The following GBE1 variants were observed in gnomAD, a reference collection of about 807,000 sequenced individuals.
GBE1 encodes the protein 1,4-alpha-glucan branching enzyme 1.
In GBE1, 70 loss-of-function variants were observed where a neutral mutation model predicts 88.8. The observed-to-expected ratio is 0.79, with a 90% CI of 0.65 to 0.96. The LOEUF (loss-of-function observed/expected upper bound fraction) is 0.96, where lower values mean the gene tolerates loss of function less well. GBE1 is among the 40% of genes least tolerant of loss of function. The pLI, the probability that GBE1 is intolerant of heterozygous loss-of-function variation, is 0.00. For synonymous variants in GBE1, 284 were observed against 300.1 expected, an observed-to-expected ratio of 0.95 and a Z score of 0.56; for missense variants, 872 against 871.0, an observed-to-expected ratio of 1.00 and a Z score of -0.01.
At chr3:81,724,314 A>T (rs990239079) in intron 1 of GBE1, among the ~76,000 whole-genome samples, 1 of 152,176 alleles carries the variant, frequency 6.6e-6, no homozygotes, top group African/African-American at 2.4e-5. Context: ...ATTTACAAGC[A>T]TTTTCTTATT....
chr3:81,761,307 G>T (rs1368293208), intron 1 of GBE1, 68 bp downstream of exon 1: 16 of 1,533,200 alleles, frequency 1.0e-5, no homozygotes, highest in Middle Eastern at 2.1e-4. Context: ...GGGGCGGCCC[G>T]TGTCCCGAGA....
At chr3:81,527,883 T>C (rs1172502043) in intron 14 of GBE1, among the ~76,000 whole-genome samples, 3 of 151,960 alleles carry the variant, frequency 2.0e-5, no homozygotes, top group African/African-American at 7.2e-5. Flanking sequence ...ACCCAAAGGA[T>C]TATAAATCAT....
Position 81,638,697 on chromosome 3 carries a change from C to A in GBE1, c.992+4084G>T, listed in dbSNP as rs143664893. Among the ~76,000 whole-genome samples the A allele has an allele frequency of 5.3e-5, 8 of 152,250 alleles. No individual in the cohort carries two copies. The East Asian group carries it at 1.3e-3, about 26-fold the overall frequency. ...GAGTAGACAGAAAATTAAACATGGGCAGCTCCTGATTGGAAATTTATTCAT... is the reference window on the plus strand; with the variant it reads ...GAGTAGACAGAAAATTAAACATGGGAAGCTCCTGATTGGAAATTTATTCAT... On this transcript the variant is annotated intron_variant, in intron 7 of 15. Transcript: ENST00000429644.
intron 14 of GBE1, among the ~76,000 whole-genome samples, chr3:81,508,807 A>G (rs1702687724): frequency 6.6e-6 from 1 of 152,196 alleles, no homozygotes; most frequent in Non-Finnish European, 1.5e-5. Flanking sequence ...GAGTATCTCC[A>G]TGAGCTTTAG....
At chr3:81,719,778 C>T (rs1478566567) in intron 1 of GBE1, among the ~76,000 whole-genome samples, 3 of 151,924 alleles carry the variant, frequency 2.0e-5, no homozygotes, top group Non-Finnish European at 2.9e-5. Context: ...ATGGTTATAT[C>T]AATAGTAAAG....
At chr3:81,606,037 TAC>T (rs1242321617) in intron 7 of GBE1, among the ~76,000 whole-genome samples, 1 of 152,184 alleles carries the variant, frequency 6.6e-6, no homozygotes, top group Non-Finnish European at 1.5e-5. Context: ...GCCAGCAATT[TAC>T]ACAGATATTC....
intron 12 of GBE1, among the ~76,000 whole-genome samples, chr3:81,575,260 A>G (rs932021007): frequency 6.6e-6 from 1 of 152,142 alleles, no homozygotes; most frequent in African/African-American, 2.4e-5. Context: ...ATTATTTCAT[A>G]TATGATAGAA....
intron 3 of GBE1, among the ~76,000 whole-genome samples, chr3:81,665,756 A>G (rs2107105925): frequency 6.6e-6 from 1 of 152,274 alleles, no homozygotes. Context: ...AACACTCAAC[A>G]TTGTTGAACA....
intron 7 of GBE1, among the ~76,000 whole-genome samples, chr3:81,635,751 C>T (rs1446858328): frequency 6.6e-6 from 1 of 152,014 alleles, no homozygotes; most frequent in African/African-American, 2.4e-5. Flanking sequence ...TGAATAGGGA[C>T]CTTAGGACCA....
chr3:81,674,020 A>T (rs1207520767), intron 2 of GBE1, among the ~76,000 whole-genome samples: 1 of 151,980 alleles, frequency 6.6e-6, no homozygotes, highest in Non-Finnish European at 1.5e-5. Flanking sequence ...GTCTGCAAGC[A>T]TATATGTATG....
At chr3:81,593,655 A>G (rs1703912970) in intron 8 of GBE1, among the ~76,000 whole-genome samples, 1 of 152,072 alleles carries the variant, frequency 6.6e-6, no homozygotes, top group Admixed American at 6.6e-5. Flanking sequence ...TGAGAGTGTT[A>G]CAATAAATGG....
At chr3:81,539,792 TG>T (rs1468948032) in intron 12 of GBE1, among the ~76,000 whole-genome samples, 2 of 151,992 alleles carry the variant, frequency 1.3e-5, no homozygotes, top group Non-Finnish European at 2.9e-5. Flanking sequence ...ACAGAAAGTT[TG>T]GGGTAAGAAG....
At chr3:81,755,216 A>C (rs1706586177) in intron 1 of GBE1, among the ~76,000 whole-genome samples, 1 of 152,168 alleles carries the variant, frequency 6.6e-6, no homozygotes, top group Non-Finnish European at 1.5e-5. Flanking sequence ...TATGAAAAAA[A>C]TGCTCAATAT....
intron 9 of GBE1, 61 bp from the exon 10 acceptor site, chr3:81,586,251 G>T (rs1703802025): frequency 2.0e-6 from 2 of 1,000,538 alleles, no homozygotes; most frequent in Non-Finnish European, 3.0e-6. Flanking sequence ...TGACTGTAAA[G>T]CCCAGGTCAA....
chr3:81,633,531 T>C (rs193222477), intron 7 of GBE1, among the ~76,000 whole-genome samples: 1 of 152,142 alleles, frequency 6.6e-6, no homozygotes, highest in Admixed American at 6.6e-5. Flanking sequence ...AGAAACAAGG[T>C]TACCAAATTT....
At chr3:81,690,853 T>C (rs1030017184) in intron 2 of GBE1, among the ~76,000 whole-genome samples, 1 of 152,190 alleles carries the variant, frequency 6.6e-6, no homozygotes, top group African/African-American at 2.4e-5. Flanking sequence ...TCTTGCTATA[T>C]TATTGTCCTA....
At chr3:81,630,178 G>A (rs1704487181) in intron 7 of GBE1, among the ~76,000 whole-genome samples, 1 of 152,090 alleles carries the variant, frequency 6.6e-6, no homozygotes, top group African/African-American at 2.4e-5. Context: ...ATGCTTCAAA[G>A]AGAATAAAAT....
chr3:81,753,166 C>A (rs1257795790), intron 1 of GBE1, among the ~76,000 whole-genome samples: 1 of 152,104 alleles, frequency 6.6e-6, no homozygotes, highest in African/African-American at 2.4e-5. Context: ...TTTTAAAACT[C>A]TACATAATCA....
intron 7 of GBE1, among the ~76,000 whole-genome samples, chr3:81,598,735 T>C (rs1240381980): frequency 6.6e-6 from 1 of 151,790 alleles, no homozygotes; most frequent in East Asian, 1.9e-4. Context: ...GAGGCTATTG[T>C]ATATATTAAT....
Sources: gnomAD v4.1 joint callset for allele counts (sites outside exome capture counted in the v4.1 genomes callset) on GRCh38, gnomAD v4.1.1 for gene constraint, MANE v1.5 for transcripts, NCBI Gene and HGNC (gene_info 2026-07-23, HGNC 2026-07-21) for gene names.